DOCK2: variants seen among roughly 807,000 people sequenced by gnomAD.
The protein encoded by DOCK2 is dedicator of cytokinesis protein 2.
In DOCK2, 87 loss-of-function variants were observed where a neutral mutation model predicts 248.9. That is an observed-to-expected ratio of 0.35 (90% CI 0.29 to 0.42). The LOEUF is 0.42. Ranked by LOEUF, DOCK2 falls within the 10% of genes least tolerant of loss-of-function variation. The pLI is 1.00. For missense variants in DOCK2, 1,747 were observed against 2,300.2 expected, an observed-to-expected ratio of 0.76 and a Z score of 4.92; for synonymous variants, 805 against 821.6, an observed-to-expected ratio of 0.98 and a Z score of 0.35.
At chr5:169,944,227 T>C (rs1013358568) in intron 27 of DOCK2, among the ~76,000 whole-genome samples, 2 of 152,174 alleles carry the variant, frequency 1.3e-5, no homozygotes, top group Non-Finnish European at 2.9e-5. Flanking sequence ...TGAGAGCTGG[T>C]GAGCCCCAAC....
At chr5:169,776,985 G>A (rs1765421141) in intron 25 of DOCK2, among the ~76,000 whole-genome samples, 2 of 152,168 alleles carry the variant, frequency 1.3e-5, no homozygotes, top group African/African-American at 4.8e-5. Flanking sequence ...TCTTCTTTAA[G>A]GACATTTAGG....
chr5:170,003,664 CA>C (rs1169098739), intron 30 of DOCK2, among the ~76,000 whole-genome samples: 2 of 152,200 alleles, frequency 1.3e-5, no homozygotes, highest in Non-Finnish European at 2.9e-5. Context: ...CTGAGCAGAC[CA>C]GGCCACCTAG....
chr5:169,999,251 G>T (rs974004853), intron 30 of DOCK2, among the ~76,000 whole-genome samples: 1 of 152,156 alleles, frequency 6.6e-6, no homozygotes, highest in African/African-American at 2.4e-5. Flanking sequence ...CAAGCTGAGT[G>T]ACTTTAGACA....
intron 16 of DOCK2, 43 bp from the exon 17 acceptor site, chr5:169,712,077 C>A (rs755177306): frequency 1.2e-6 from 2 of 1,613,530 alleles, no homozygotes; most frequent in Admixed American, 3.3e-5. Flanking sequence ...GCTGGGTGGC[C>A]CATGTATCAT....
Position 169,742,589 on chromosome 5 carries a change from C to T in DOCK2, c.2268-4807C>T, listed in dbSNP as rs1019900980. ...TCAGGGTGTTAGGAGGCTCTCCCTC[C>T]ACCCCTGATTCTCAAGGGAATCTTC... On this transcript the variant is annotated intron_variant, in intron 22 of 51. Coordinates refer to ENST00000520908, the MANE Select transcript of DOCK2 (RefSeq NM_004946.3). 2.0e-5 allele frequency among the ~76,000 whole-genome samples: 3 copies of T among 152,296 alleles called. No individual in the cohort carries two copies. The South Asian group carries it at 6.2e-4, about 32-fold the overall frequency.
chr5:170,017,930 T>C (rs1206794345), intron 32 of DOCK2, among the ~76,000 whole-genome samples: 1 of 152,334 alleles, frequency 6.6e-6, no homozygotes, highest in East Asian at 1.9e-4. Context: ...ATGAGACATA[T>C]ATACAAGTCC....
At chr5:169,831,883 A>G (rs1337017846) in intron 26 of DOCK2, among the ~76,000 whole-genome samples, 1 of 152,232 alleles carries the variant, frequency 6.6e-6, no homozygotes, top group East Asian at 1.9e-4. Context: ...CAACAAGGAA[A>G]GAGAATAGTT....
intron 8 of DOCK2, among the ~76,000 whole-genome samples, chr5:169,686,870 G>A (rs1561600036): frequency 2.0e-5 from 3 of 152,160 alleles, no homozygotes; most frequent in African/African-American, 7.2e-5. Context: ...CAGGTATCAG[G>A]CTAGCAGTAA....
At chr5:170,031,671 T>C (rs1452509182) in intron 34 of DOCK2, among the ~76,000 whole-genome samples, 1 of 152,226 alleles carries the variant, frequency 6.6e-6, no homozygotes, top group Non-Finnish European at 1.5e-5. Flanking sequence ...CCTGGAACTC[T>C]GAATCCCTAG....
chr5:169,651,327 C>G (rs1466210736), intron 1 of DOCK2, among the ~76,000 whole-genome samples: 1 of 152,162 alleles, frequency 6.6e-6, no homozygotes, highest in Non-Finnish European at 1.5e-5. Flanking sequence ...TCAGTGAGTA[C>G]TTGGAATGAA....
chr5:169,795,275 A>C (rs1275967029), intron 25 of DOCK2, among the ~76,000 whole-genome samples: 1 of 152,012 alleles, frequency 6.6e-6, no homozygotes. Context: ...GCCTAACTAT[A>C]TTTTCTCCCT....
chr5:169,951,205 T>C (rs1776651005), intron 27 of DOCK2, among the ~76,000 whole-genome samples: 1 of 152,182 alleles, frequency 6.6e-6, no homozygotes, highest in Non-Finnish European at 1.5e-5. Flanking sequence ...TTATACTCAT[T>C]CCTTTATCAA....
chr5:169,943,331 C>G (rs1291816356), intron 27 of DOCK2, among the ~76,000 whole-genome samples: 1 of 152,088 alleles, frequency 6.6e-6, no homozygotes, highest in Non-Finnish European at 1.5e-5. Flanking sequence ...TTGATCCCAC[C>G]CTGAGATCCA....
intron 27 of DOCK2, among the ~76,000 whole-genome samples, chr5:169,893,038 C>T (rs1254132294): frequency 6.6e-6 from 1 of 152,146 alleles, no homozygotes; most frequent in Non-Finnish European, 1.5e-5. Context: ...TTCTTTTGTT[C>T]CTCTCTAGCC....
chr5:170,022,261 G>A (rs1259539507), intron 33 of DOCK2, among the ~76,000 whole-genome samples: 2 of 152,188 alleles, frequency 1.3e-5, no homozygotes, highest in East Asian at 3.8e-4. Context: ...AAGAGACAAA[G>A]ATTTTCTCAA....
intron 27 of DOCK2, among the ~76,000 whole-genome samples, chr5:169,862,044 A>G (rs1771236772): frequency 6.6e-6 from 1 of 151,864 alleles, no homozygotes; most frequent in South Asian, 2.1e-4. Flanking sequence ...AAACATATCT[A>G]TGACCACATC....
At chr5:169,716,501 G>A (rs1023916545) in intron 20 of DOCK2, among the ~76,000 whole-genome samples, 199 bp downstream of exon 20, 56 of 152,304 alleles carry the variant, frequency 3.7e-4, no homozygotes, top group African/African-American at 1.3e-3. Context: ...GAAAGCATGA[G>A]GCATTGTGGG....
At chr5:169,905,297 T>TG (rs1303354842) in intron 27 of DOCK2, among the ~76,000 whole-genome samples, 6 of 150,888 alleles carry the variant, frequency 4.0e-5, no homozygotes, top group East Asian at 2.0e-4. Context: ...GCCAGTGTTT[T>TG]TTTTTTTTTT....
At chr5:169,996,022 A>C in intron 29 of DOCK2, 64 bp from the exon 30 acceptor site, 7 of 1,564,878 alleles carry the variant, frequency 4.5e-6, no homozygotes, top group Non-Finnish European at 6.1e-6. Flanking sequence ...TTAGTCTGGC[A>C]TAAGGACGAA....
Sources: allele counts gnomAD v4.1 joint callset (sites outside exome capture counted in the v4.1 genomes callset), GRCh38; gene constraint gnomAD v4.1.1; transcripts MANE v1.5; gene names NCBI Gene and HGNC (gene_info 2026-07-23, HGNC 2026-07-21).